TTLL11: variants seen among roughly 807,000 people sequenced by gnomAD.
TTLL11 encodes the protein tubulin polyglutamylase TTLL11.
TTLL11 carries 42 observed loss-of-function variants against 51.7 expected under a neutral mutation model. The ratio of observed to expected loss-of-function variants is 0.81; its 90% CI spans 0.64 to 1.05. TTLL11 has a LOEUF of 1.05. Ranked by LOEUF, TTLL11 falls within the 50% of genes least tolerant of loss-of-function variation. The pLI, the probability that TTLL11 is intolerant of heterozygous loss-of-function variation, is 0.00. For missense variants in TTLL11, 799 were observed against 940.4 expected, an observed-to-expected ratio of 0.85 and a Z score of 1.97; for synonymous variants, 381 against 383.5, an observed-to-expected ratio of 0.99 and a Z score of 0.08.
rs941845979 is a variant in TTLL11, at chr9:121,815,953, C to G, written c.*6634G>C. The G allele has an allele frequency of 2.0e-5, 3 of 152,202 alleles. No individual in the cohort carries two copies. Among genetic ancestry groups the G allele is most frequent in the Admixed American group, 1.3e-4 (2 of 15,274 alleles). 9.4% of individuals were successfully genotyped at this position (152,202 alleles called of 1,614,324 possible). Reference sequence around the variant, plus strand: ...GCGTGGAGGTGGGCAGACGTATTTCCTGGCATCCGTCTTGTTTCCGCACGT... The same window carrying G: ...GCGTGGAGGTGGGCAGACGTATTTCGTGGCATCCGTCTTGTTTCCGCACGT... On this transcript the variant is annotated 3_prime_UTR_variant, in exon 9 of 9. Coordinates refer to ENST00000321582, the MANE Select transcript of TTLL11 (RefSeq NM_001139442.2).
intron 1 of TTLL11, among the ~76,000 whole-genome samples, chr9:122,077,868 G>A (rs1588262158): frequency 2.0e-5 from 3 of 147,618 alleles, no homozygotes; most frequent in African/African-American, 5.0e-5. Flanking sequence ...GAAGGAGGAA[G>A]GAAAGAAAAA....
At chr9:121,873,033 T>C (rs1053248375) in intron 6 of TTLL11, among the ~76,000 whole-genome samples, 3 of 152,240 alleles carry the variant, frequency 2.0e-5, no homozygotes, top group Admixed American at 1.3e-4. Flanking sequence ...TTACCGGAAA[T>C]TAGCCCTTAA....
intron 7 of TTLL11, among the ~76,000 whole-genome samples, chr9:121,863,245 C>T (rs1315048279): frequency 6.6e-6 from 1 of 152,194 alleles, no homozygotes; most frequent in Non-Finnish European, 1.5e-5. Context: ...CGGCTATCTA[C>T]TGGGTTCTGT....
intron 3 of TTLL11, among the ~76,000 whole-genome samples, chr9:122,025,412 C>T (rs753929781): frequency 9.2e-5 from 14 of 152,304 alleles, no homozygotes; most frequent in Non-Finnish European, 1.9e-4. Flanking sequence ...GCAGGTGGAT[C>T]GCTTGAGCTC....
rs1244785101 is a variant in TTLL11 at position 121,973,383 on chromosome 9, TCTC to T, written c.1481+623_1481+625del. 3.3e-5 allele frequency among the ~76,000 whole-genome samples: 5 copies of T among 152,190 alleles called. No homozygotes were observed. In the East Asian group the frequency reaches 7.7e-4, roughly 23 times the overall value. On this transcript the variant is annotated intron_variant, in intron 6 of 8. Transcript: ENST00000321582. Reference sequence around the variant, plus strand: ...ATGTCCTAGTTACCTATGGCCCTCTTCTCCTGCATTTTATTGTACTTTTCCTGT... The same window carrying T: ...ATGTCCTAGTTACCTATGGCCCTCTTCTGCATTTTATTGTACTTTTCCTGT...
At chr9:121,940,177 C>T (rs1178680688) in intron 6 of TTLL11, among the ~76,000 whole-genome samples, 1 of 152,140 alleles carries the variant, frequency 6.6e-6, no homozygotes, top group South Asian at 2.1e-4. Flanking sequence ...CTTGTAATAG[C>T]TGTGTTATAT....
intron 3 of TTLL11, among the ~76,000 whole-genome samples, chr9:122,022,495 G>A (rs928542033): frequency 1.3e-5 from 2 of 151,992 alleles, no homozygotes; most frequent in African/African-American, 2.4e-5. Context: ...TAAAAGTGCT[G>A]AAAGAAAAAC....
intron 6 of TTLL11, among the ~76,000 whole-genome samples, chr9:121,948,125 C>T (rs1406322666): frequency 6.6e-6 from 1 of 152,206 alleles, no homozygotes; most frequent in Non-Finnish European, 1.5e-5. Flanking sequence ...ATTGCATCCT[C>T]TTAATAACCC....
At chr9:121,933,707 G>T (rs1277512928) in intron 6 of TTLL11, among the ~76,000 whole-genome samples, 4 of 150,780 alleles carry the variant, frequency 2.7e-5, no homozygotes, top group Non-Finnish European at 5.9e-5. Flanking sequence ...TTAAAAAAAA[G>T]AACATTACAT....
intron 1 of TTLL11, among the ~76,000 whole-genome samples, chr9:122,074,887 TA>T (rs78518604): frequency 6.6e-3 from 946 of 142,434 alleles, no homozygotes; most frequent in African/African-American, 6.4e-3. Context: ...CCTGGTCTCT[TA>T]AAAAAAAAAA....
At chr9:121,887,585 A>G (rs1398788838) in intron 6 of TTLL11, among the ~76,000 whole-genome samples, 1 of 152,210 alleles carries the variant, frequency 6.6e-6, no homozygotes, top group Non-Finnish European at 1.5e-5. Flanking sequence ...TCTGGCCTGA[A>G]ATAAGAAAGC....
Position 121,947,238 on chromosome 9 carries a change from T to C in TTLL11, c.1481+26771A>G, listed in dbSNP as rs1263279589. On this transcript the variant is annotated intron_variant, in intron 6 of 8. Coordinates refer to ENST00000321582, the MANE Select transcript of TTLL11 (RefSeq NM_001139442.2). ...CCTGAAATTAGCTGTGGTGGGAATATTTACACCATGGAAATAGACAAACAC... is the reference window on the plus strand; with the variant it reads ...CCTGAAATTAGCTGTGGTGGGAATACTTACACCATGGAAATAGACAAACAC... 2.0e-5 allele frequency among the ~76,000 whole-genome samples: 3 copies of C among 152,156 alleles called. No individual in the cohort carries two copies. The East Asian group carries it at 5.8e-4, about 29-fold the overall frequency.
In TTLL11 at chr9:121,953,389, T is replaced by C. The variant is rs114042396; in HGVS notation, c.1481+20620A>G. On this transcript the variant is annotated intron_variant, in intron 6 of 8. Transcript: ENST00000321582. ...GGCTCACGTGTGTAATCCCAGCACA[T>C]TGGGTGGCTGAGGCGGGCGGATCAC... Among the ~76,000 whole-genome samples the C allele has an allele frequency of 6.9e-3, 1,046 of 151,940 alleles. 12 individuals are homozygous for C. The highest frequency in any genetic ancestry group is 0.022 in the African/African-American group (905 of 41,414).
intron 6 of TTLL11, among the ~76,000 whole-genome samples, chr9:121,943,274 C>T (rs1359883618): frequency 6.6e-6 from 1 of 152,198 alleles, no homozygotes; most frequent in East Asian, 1.9e-4. Flanking sequence ...ATTATAATTA[C>T]TTATGTATCT....
intron 1 of TTLL11, among the ~76,000 whole-genome samples, chr9:122,072,413 G>A (rs1011871680): frequency 5.9e-5 from 9 of 152,114 alleles, no homozygotes; most frequent in African/African-American, 1.7e-4. Context: ...GGAGGCTGAG[G>A]TGGGTGGATC....
intron 8 of TTLL11, among the ~76,000 whole-genome samples, chr9:121,858,774 C>T (rs1248697332): frequency 1.3e-5 from 2 of 152,170 alleles, no homozygotes; most frequent in Non-Finnish European, 2.9e-5. Context: ...GGATTGTTGG[C>T]GCCATTTTAC....
chr9:122,052,667 G>C (rs1346032431), intron 1 of TTLL11, among the ~76,000 whole-genome samples: 1 of 152,212 alleles, frequency 6.6e-6, no homozygotes, highest in Non-Finnish European at 1.5e-5. Flanking sequence ...AAAAGAGCTA[G>C]GAGATGGGGG....
At chr9:122,033,205 T>A (rs549485767) in intron 2 of TTLL11, among the ~76,000 whole-genome samples, 1 of 151,812 alleles carries the variant, frequency 6.6e-6, no homozygotes, top group Admixed American at 6.6e-5. Flanking sequence ...CGCCGCCTCC[T>A]AGGTTCAAGC....
At chr9:121,925,990 A>G (rs1320606827) in intron 6 of TTLL11, among the ~76,000 whole-genome samples, 4 of 152,148 alleles carry the variant, frequency 2.6e-5, no homozygotes, top group African/African-American at 4.8e-5. Context: ...AAATCCTGCC[A>G]TATCAATGTC....
Sources: gnomAD v4.1 joint callset for allele counts (sites outside exome capture counted in the v4.1 genomes callset) on GRCh38, gnomAD v4.1.1 for gene constraint, MANE v1.5 for transcripts, NCBI Gene and HGNC (gene_info 2026-07-23, HGNC 2026-07-21) for gene names.